NTM: variants seen among roughly 807,000 people sequenced by gnomAD.
NTM encodes IgLON family member 2.
NTM carries 13 observed loss-of-function variants against 42.1 expected under a neutral mutation model. The ratio of observed to expected loss-of-function variants is 0.31; its 90% CI spans 0.20 to 0.49. The LOEUF (loss-of-function observed/expected upper bound fraction) is 0.49, where lower values mean the gene tolerates loss of function less well. Ranked by LOEUF, NTM falls within the 20% of genes least tolerant of loss-of-function variation. The pLI is 0.99. For missense variants in NTM, 373 were observed against 452.8 expected (o/e 0.82, Z 1.60); for synonymous variants, 187 against 179.2 (o/e 1.04, Z -0.35).
At chr11:131,604,487 C>A (rs1403956815) in intron 1 of NTM, among the ~76,000 whole-genome samples, 1 of 152,010 alleles carries the variant, frequency 6.6e-6, no homozygotes, top group African/African-American at 2.4e-5. Context: ...TCTTTCACTT[C>A]CTCAATAGTG....
intron 3 of NTM, among the ~76,000 whole-genome samples, chr11:132,193,524 G>T (rs2079648607): frequency 6.6e-6 from 1 of 151,882 alleles, no homozygotes; most frequent in East Asian, 1.9e-4. Flanking sequence ...GTGTTAAAAG[G>T]AAAGTTTATA....
chr11:132,290,162 G>T (rs1021204986), intron 4 of NTM, among the ~76,000 whole-genome samples: 7 of 152,154 alleles, frequency 4.6e-5, no homozygotes, highest in Admixed American at 1.3e-4. Flanking sequence ...GAATGGGAGA[G>T]AAAGGATAAG....
chr11:131,784,093 T>G (rs1591809447), intron 1 of NTM, among the ~76,000 whole-genome samples: 1 of 152,288 alleles, frequency 6.6e-6, no homozygotes, highest in East Asian at 1.9e-4. Context: ...TGAACGCCTC[T>G]TCCCACATTC....
At chr11:131,799,794 T>C (rs2091948368) in intron 1 of NTM, among the ~76,000 whole-genome samples, 3 of 152,178 alleles carry the variant, frequency 2.0e-5, no homozygotes, top group Non-Finnish European at 4.4e-5. Context: ...TGGTGTGCCC[T>C]CAGCTAGAAT....
intron 2 of NTM, among the ~76,000 whole-genome samples, chr11:132,095,995 G>A (rs2060933175): frequency 6.6e-6 from 1 of 152,186 alleles, no homozygotes; most frequent in South Asian, 2.1e-4. Context: ...GTGGGAGGAA[G>A]CAGGATGTCA....
At chr11:131,432,839 C>CCTTTTTTTTTTTT (rs1565494793) in intron 1 of NTM, among the ~76,000 whole-genome samples, 1 of 68,694 alleles carries the variant, frequency 1.5e-5, no homozygotes, top group Admixed American at 1.9e-4. Context: ...ATTTAGCATT[C>CCTTTTTTTTTTTT]TTTTTTTTTT....
chr11:131,480,387 G>T (rs955884128), intron 1 of NTM, among the ~76,000 whole-genome samples: 1 of 152,036 alleles, frequency 6.6e-6, no homozygotes, highest in Non-Finnish European at 1.5e-5. Flanking sequence ...AAAAGCTGTC[G>T]CTTGATACTA....
chr11:131,623,932 G>A (rs568526635), intron 1 of NTM, among the ~76,000 whole-genome samples: 73 of 152,316 alleles, frequency 4.8e-4, no homozygotes, highest in Non-Finnish European at 6.9e-4. Context: ...TGGCCGCTCC[G>A]ACCTTGAGTC....
At chr11:131,396,998 T>A (rs761188948) in intron 1 of NTM, among the ~76,000 whole-genome samples, 2 of 152,156 alleles carry the variant, frequency 1.3e-5, no homozygotes, top group Non-Finnish European at 2.9e-5. Context: ...TTTATTGCTT[T>A]CCTGTGAGTC....
chr11:131,643,862 G>A (rs984183899), intron 1 of NTM, among the ~76,000 whole-genome samples: 3 of 152,130 alleles, frequency 2.0e-5, no homozygotes, highest in Non-Finnish European at 4.4e-5. Context: ...AGACTGAGAG[G>A]TCTCCAGACC....
At chr11:131,699,481 T>C (rs2075834789) in intron 1 of NTM, among the ~76,000 whole-genome samples, 1 of 152,170 alleles carries the variant, frequency 6.6e-6, no homozygotes, top group Non-Finnish European at 1.5e-5. Context: ...AAAGGCTTTC[T>C]GTAGGACATT....
intron 3 of NTM, among the ~76,000 whole-genome samples, chr11:132,174,470 A>T (rs990112016): frequency 6.6e-6 from 1 of 152,226 alleles, no homozygotes; most frequent in African/African-American, 2.4e-5. Context: ...GGGTAACAGA[A>T]TCGATGCTAG....
intron 1 of NTM, among the ~76,000 whole-genome samples, chr11:131,778,676 C>A (rs1037123764): frequency 3.3e-5 from 5 of 152,210 alleles, no homozygotes; most frequent in Non-Finnish European, 1.5e-5. Flanking sequence ...AGTACAGGAA[C>A]TTTAGTCTCA....
intron 1 of NTM, among the ~76,000 whole-genome samples, chr11:131,906,620 C>T (rs187092935): frequency 2.6e-3 from 403 of 152,280 alleles, no homozygotes; most frequent in African/African-American, 9.1e-3. Flanking sequence ...CCTTTCGCTG[C>T]GTCGGCACTT....
At chr11:132,006,460 G>A (rs530191088) in intron 2 of NTM, among the ~76,000 whole-genome samples, 9 of 152,320 alleles carry the variant, frequency 5.9e-5, no homozygotes, top group South Asian at 4.1e-4. Context: ...TGAGAAGGCA[G>A]CCTCTTTTTG....
chr11:132,305,165 G>T (rs2095032689), intron 4 of NTM, among the ~76,000 whole-genome samples: 2 of 152,140 alleles, frequency 1.3e-5, no homozygotes, highest in African/African-American at 4.8e-5. Context: ...TTTCCATTTG[G>T]ATGTCCATGA....
chr11:131,773,272 C>T (rs2086424824), intron 1 of NTM, among the ~76,000 whole-genome samples: 1 of 152,146 alleles, frequency 6.6e-6, no homozygotes, highest in Non-Finnish European at 1.5e-5. Flanking sequence ...GGCCAAGCAC[C>T]TTTCTGAAGG....
chr11:131,874,473 G>A (rs10894467), intron 1 of NTM, among the ~76,000 whole-genome samples: 75,524 of 151,846 alleles, frequency 0.5, 18,965 homozygotes, highest in East Asian at 0.75. Flanking sequence ...GTTGCACACC[G>A]TATGAAACAC....
At chr11:132,095,020 G>T (rs1322848440) in intron 2 of NTM, among the ~76,000 whole-genome samples, 11 of 152,222 alleles carry the variant, frequency 7.2e-5, no homozygotes, top group Admixed American at 7.2e-4. Context: ...GACAAACAGA[G>T]ATGGAGACAT....
Sources: allele counts gnomAD v4.1 joint callset (sites outside exome capture counted in the v4.1 genomes callset), GRCh38; gene constraint gnomAD v4.1.1; transcripts MANE v1.5; gene names NCBI Gene and HGNC (gene_info 2026-07-23, HGNC 2026-07-21).